USP43: variants seen among roughly 807,000 people sequenced by gnomAD.
The protein encoded by USP43 is ubiquitin carboxyl-terminal hydrolase 43.
USP43 carries 33 observed loss-of-function variants against 90.7 expected under a neutral mutation model. That is an observed-to-expected ratio of 0.36 (90% CI 0.28 to 0.49). The LOEUF (loss-of-function observed/expected upper bound fraction) is 0.49, where lower values mean the gene tolerates loss of function less well. Among genes scored for constraint, USP43 ranks in the 20% least tolerant of loss-of-function variants. The pLI, the probability that USP43 is intolerant of heterozygous loss-of-function variation, is 0.98. For missense variants in USP43, 1,274 were observed against 1,476.4 expected, an observed-to-expected ratio of 0.86 and a Z score of 2.25; for synonymous variants, 598 against 615.8, an observed-to-expected ratio of 0.97 and a Z score of 0.43.
At chr17:9,714,252 C>T (rs989276777) in intron 14 of USP43, among the ~76,000 whole-genome samples, 1 of 152,154 alleles carries the variant, frequency 6.6e-6, no homozygotes, top group African/African-American at 2.4e-5. Context: ...TACTTGTCCA[C>T]AGCCCAGGGG....
At chr17:9,721,189 A>C (rs893839413) in intron 14 of USP43, among the ~76,000 whole-genome samples, 1 of 152,212 alleles carries the variant, frequency 6.6e-6, no homozygotes, top group Non-Finnish European at 1.5e-5. Flanking sequence ...CCCCTTGGTA[A>C]TAAGGTGCCC....
intron 14 of USP43, among the ~76,000 whole-genome samples, chr17:9,727,385 C>T (rs1314752612): frequency 6.6e-6 from 1 of 152,144 alleles, no homozygotes; most frequent in Non-Finnish European, 1.5e-5. Context: ...ATCTATTTCT[C>T]TATTCTTATT....
rs533193821 is a variant in USP43, at chr17:9,712,493, C to T, written c.2335+361C>T. Among the ~76,000 whole-genome samples the T allele has an allele frequency of 8.2e-4, 125 of 152,186 alleles. 2 individuals are homozygous for T. In the South Asian group the frequency reaches 0.01, roughly 12 times the overall value. On this transcript the variant is annotated intron_variant, in intron 14 of 14. Transcript: ENST00000285199. ...CACAGGGCCCGGGAGATAGGACGGG[C>T]GGGTAACATCTTTCTAGGGGGTGAC...
chr17:9,653,379 G>C (rs1414155779), intron 1 of USP43, among the ~76,000 whole-genome samples: 1 of 152,150 alleles, frequency 6.6e-6, no homozygotes, highest in South Asian at 2.1e-4. Context: ...CCTGAGGTCA[G>C]GAGTTCAAGA....
At chr17:9,661,235 C>T (rs1912618455) in intron 2 of USP43, among the ~76,000 whole-genome samples, 1 of 152,178 alleles carries the variant, frequency 6.6e-6, no homozygotes, top group Admixed American at 6.5e-5. Flanking sequence ...AAATGCCGCT[C>T]TTGCAGAATT....
chr17:9,678,203 G>A (rs148066967), intron 5 of USP43, among the ~76,000 whole-genome samples: 1 of 152,270 alleles, frequency 6.6e-6, no homozygotes, highest in Non-Finnish European at 1.5e-5. Context: ...GTTGGTTCAG[G>A]GAGATGGGAG....
chr17:9,658,233 G>A (rs777308362), intron 2 of USP43, among the ~76,000 whole-genome samples: 10 of 152,264 alleles, frequency 6.6e-5, no homozygotes, highest in Non-Finnish European at 7.4e-5. Context: ...CTCAGAGCCC[G>A]TCATTCTAGC....
chr17:9,692,020 C>T lies in USP43; in HGVS notation c.1354-1107C>T, dbSNP rs549459501. ...TCACACAACTGCACTCCAGCCTGGG[C>T]GACAGAGCGAGACTCCATCTCGAAA... is the stretch of plus-strand genomic sequence containing the variant. On this transcript the variant is annotated intron_variant, in intron 8 of 14. Coordinates refer to ENST00000285199, the MANE Select transcript of USP43 (RefSeq NM_153210.5). 2.1e-3 allele frequency among the ~76,000 whole-genome samples: 317 copies of T among 150,148 alleles called. 1 individual carries two copies. Among genetic ancestry groups the T allele is most frequent in the Middle Eastern group, 0.011 (3 of 278 alleles).
Position 9,728,385 on chromosome 17 carries a change from A to G in USP43, c.2767A>G (p.Ile923Val), listed in dbSNP as rs1352939348. ...RKLKENAGQD[I>V]KLPRKFDLPL... Reference sequence around the variant, plus strand: ...ACTCAAGGAAAATGCAGGGCAGGACATCAAGCTTCCCAGAAAGTTTGACCT... The same window carrying G: ...ACTCAAGGAAAATGCAGGGCAGGACGTCAAGCTTCCCAGAAAGTTTGACCT... The change falls in exon 15 of 15, where the codon ATC becomes GTC. Residue 923 changes from isoleucine to valine, a missense_variant. Around this residue, in one of 6 missense-constraint regions of USP43, gnomAD observed 353 missense variants for 329.7 expected, o/e 1.07. Coordinates refer to ENST00000285199, the MANE Select transcript of USP43 (RefSeq NM_153210.5). This position sits in a 1 kb window ranked among gnomAD's most constrained non-coding sequence, Gnocchi z 6.2. 1 of 1,608,222 alleles carries G rather than the reference A, an allele frequency of 6.2e-7. No individual in the cohort carries two copies. Among genetic ancestry groups the G allele is most frequent in the East Asian group, 2.2e-5 (1 of 44,652 alleles).
chr17:9,675,372 G>GA (rs1241015303), intron 4 of USP43, among the ~76,000 whole-genome samples: 1 of 152,036 alleles, frequency 6.6e-6, no homozygotes, highest in Non-Finnish European at 1.5e-5. Flanking sequence ...GAAGGTGCAG[G>GA]AAAAAGATTT....
intron 3 of USP43, among the ~76,000 whole-genome samples, chr17:9,667,453 A>T (rs1423734372): frequency 6.6e-6 from 1 of 152,240 alleles, no homozygotes; most frequent in African/African-American, 2.4e-5. Context: ...CTTTGACTTC[A>T]GAAAGTATGT....
At chr17:9,683,034 A>C in intron 7 of USP43, 76 bp downstream of exon 7, 1 of 1,526,880 alleles carries the variant, frequency 6.5e-7, no homozygotes. Flanking sequence ...GTCTAGAGTA[A>C]AATTAAACAT....
chr17:9,688,357 G>C (rs1246551156), intron 8 of USP43, among the ~76,000 whole-genome samples: 2 of 138,100 alleles, frequency 1.4e-5, no homozygotes, highest in African/African-American at 5.2e-5. Context: ...CTCCTGTCCT[G>C]TTTTTTTTTT....
chr17:9,719,692 T>G (rs1412292039), intron 14 of USP43, among the ~76,000 whole-genome samples: 1 of 152,120 alleles, frequency 6.6e-6, no homozygotes, highest in Non-Finnish European at 1.5e-5. Flanking sequence ...CCTTGCTTCC[T>G]AAGGGAGCTT....
At chr17:9,692,857 A>AT (rs1224533568) in intron 8 of USP43, among the ~76,000 whole-genome samples, 1 of 152,180 alleles carries the variant, frequency 6.6e-6, no homozygotes, top group Non-Finnish European at 1.5e-5. Context: ...CCAGTTAAGC[A>AT]TTTACTATTT....
chr17:9,701,589 C>A lies in USP43; in HGVS notation c.1900C>A (p.Pro634Thr). Reference protein sequence around the residue: ...TSPEAGLGPWPSWKQPDCLPT... With the variant: ...TSPEAGLGPWTSWKQPDCLPT... Reference sequence around the variant, plus strand: ...CCCTGAGGCAGGACTGGGCCCCTGGCCTTCCTGGAAGCAGCCGGACTGCCT... The same window carrying A: ...CCCTGAGGCAGGACTGGGCCCCTGGACTTCCTGGAAGCAGCCGGACTGCCT... Residue 634 changes from proline (P) to threonine (T), a missense_variant, in exon 12 of 15, where the codon CCT becomes ACT. Pro to Thr is a conservative substitution (Grantham distance 38, BLOSUM62 -1). Coordinates refer to ENST00000285199, the MANE Select transcript of USP43 (RefSeq NM_153210.5). This position sits in a 1 kb window ranked among gnomAD's most constrained non-coding sequence, Gnocchi z 7.2. 6.3e-7 allele frequency: 1 copy of A among 1,575,964 alleles called. No homozygotes were observed. The highest frequency in any genetic ancestry group is 8.6e-7 in the Non-Finnish European group (1 of 1,161,610).
chr17:9,676,337 T>C lies in USP43; in HGVS notation c.834-409T>C, dbSNP rs190286282. 9.9e-5 allele frequency among the ~76,000 whole-genome samples: 15 copies of C among 152,210 alleles called. No homozygotes were observed. The East Asian group carries it at 2.7e-3, about 27-fold the overall frequency. On this transcript the variant is annotated intron_variant, in intron 4 of 14. Coordinates refer to ENST00000285199, the MANE Select transcript of USP43 (RefSeq NM_153210.5). ...CAGGGACACAACCAGGAAGCGGAGA[T>C]TAACTATGTGCTGAACTTGATCCAT...
intron 14 of USP43, among the ~76,000 whole-genome samples, chr17:9,712,591 T>C (rs1330810834): frequency 2.0e-5 from 3 of 152,046 alleles, no homozygotes; most frequent in Non-Finnish European, 4.4e-5. Context: ...AGAGGAGCCC[T>C]CCAGGGTGAA....
chr17:9,650,439 GTCGCC>G (rs1911774176), intron 1 of USP43, among the ~76,000 whole-genome samples: 1 of 152,128 alleles, frequency 6.6e-6, no homozygotes, highest in Non-Finnish European at 1.5e-5. Flanking sequence ...GTCTCACTCT[GTCGCC>G]CAGGCTGGAG....
Sources: gnomAD v4.1 joint callset for allele counts (sites outside exome capture counted in the v4.1 genomes callset) on GRCh38, gnomAD v4.1.1 for gene constraint, gnomAD v4.1.1 regional missense constraint, Gnocchi (gnomAD v3.1) non-coding constraint, MANE v1.5 for transcripts, NCBI Gene and HGNC (gene_info 2026-07-23, HGNC 2026-07-21) for gene names.